The following ADAMTSL1 variants were observed in gnomAD, a reference collection of about 807,000 sequenced individuals.
ADAMTSL1 encodes the protein ADAMTS-like protein 1.
Under a neutral mutation model 201.8 loss-of-function variants are expected in ADAMTSL1, and 126 were observed. The observed-to-expected ratio is 0.62, with a 90% CI of 0.54 to 0.72. ADAMTSL1 has a LOEUF of 0.72. Among genes scored for constraint, ADAMTSL1 ranks in the 30% least tolerant of loss-of-function variants. The pLI, the probability that ADAMTSL1 is intolerant of heterozygous loss-of-function variation, is 0.00. For missense variants in ADAMTSL1, 2,679 were observed against 2,277.8 expected, an observed-to-expected ratio of 1.18 and a Z score of -3.59; for synonymous variants, 1,121 against 903.4, an observed-to-expected ratio of 1.24 and a Z score of -4.32.
At chr9:18,007,657 G>T (rs898206999) in intron 1 of ADAMTSL1, among the ~76,000 whole-genome samples, 8 of 151,962 alleles carry the variant, frequency 5.3e-5, no homozygotes, top group African/African-American at 1.9e-4. Context: ...CTCTGGTAAT[G>T]GGGATGATTA....
intron 2 of ADAMTSL1, among the ~76,000 whole-genome samples, chr9:18,422,815 T>G (rs769230340): frequency 1.4e-4 from 22 of 152,200 alleles, no homozygotes; most frequent in Admixed American, 5.9e-4. Flanking sequence ...CTTTCTTGTA[T>G]GTCTTCCCAT....
intron 1 of ADAMTSL1, among the ~76,000 whole-genome samples, chr9:17,916,932 G>C (rs1019049389): frequency 5.3e-5 from 8 of 151,996 alleles, no homozygotes; most frequent in Admixed American, 3.9e-4. Context: ...CTGTAGTTAG[G>C]TCTTCTAAAC....
chr9:18,648,038 C>A (rs1274853628), intron 7 of ADAMTSL1, among the ~76,000 whole-genome samples: 1 of 148,728 alleles, frequency 6.7e-6, no homozygotes, highest in Non-Finnish European at 1.5e-5. Context: ...CTTTGTAGGT[C>A]ACTCAGGACT....
intron 2 of ADAMTSL1, among the ~76,000 whole-genome samples, chr9:18,206,922 T>C (rs546087313): frequency 2.6e-5 from 4 of 152,216 alleles, no homozygotes; most frequent in Admixed American, 2.6e-4. Context: ...CCCAGCACTT[T>C]GAGAGGCCGA....
chr9:18,748,288 A>G (rs1819259493), intron 15 of ADAMTSL1, among the ~76,000 whole-genome samples: 1 of 152,086 alleles, frequency 6.6e-6, no homozygotes, highest in Admixed American at 6.6e-5. Context: ...CATGTTTACC[A>G]CCCTCCTTAT....
chr9:18,904,581 C>G (rs1203522196), intron 26 of ADAMTSL1, among the ~76,000 whole-genome samples: 2 of 124,332 alleles, frequency 1.6e-5, no homozygotes, highest in African/African-American at 6.3e-5. Context: ...CTGCAGTGAG[C>G]TGAGATTGTG....
At chr9:17,962,756 A>T (rs1817805896) in intron 1 of ADAMTSL1, among the ~76,000 whole-genome samples, 1 of 152,238 alleles carries the variant, frequency 6.6e-6, no homozygotes, top group Non-Finnish European at 1.5e-5. Flanking sequence ...TTAAAATTTC[A>T]GGTATGCTTT....
chr9:18,892,367 T>C, intron 25 of ADAMTSL1, 22 bp from the exon 26 acceptor site: 3 of 1,603,282 alleles, frequency 1.9e-6, no homozygotes, highest in Non-Finnish European at 2.6e-6. Context: ...AGGGCTCTCC[T>C]GACACTTCTT....
chr9:18,276,136 AT>A (rs34966485), intron 2 of ADAMTSL1, among the ~76,000 whole-genome samples: 1,803 of 151,576 alleles, frequency 0.012, 21 homozygotes, highest in African/African-American at 0.027. Flanking sequence ...CCATTTGTAT[AT>A]TTTTTTTAAT....
intron 4 of ADAMTSL1, among the ~76,000 whole-genome samples, chr9:18,621,365 C>G (rs1328580465): frequency 3.9e-5 from 6 of 152,106 alleles, no homozygotes; most frequent in Admixed American, 3.9e-4. Context: ...CTTTAGAACT[C>G]AGCTGCTTAT....
rs112486303 is a variant in ADAMTSL1 at position 18,851,847 on chromosome 9, T to A, written c.4249+21870T>A. ...CGTGTACCAGTTAAACTCCACCATT[T>A]TGCCTCTTAGTGTACATGGTTGAGC... On this transcript the variant is annotated intron_variant, in intron 23 of 28. Coordinates refer to ENST00000380548, the MANE Select transcript of ADAMTSL1 (RefSeq NM_001040272.6). 5.4e-3 allele frequency among the ~76,000 whole-genome samples: 826 copies of A among 152,332 alleles called. 3 individuals are homozygous for A. Among genetic ancestry groups the A allele is most frequent in the Non-Finnish European group, 9.1e-3 (618 of 68,018 alleles).
intron 23 of ADAMTSL1, among the ~76,000 whole-genome samples, chr9:18,869,205 C>G (rs923760026): frequency 3.9e-5 from 6 of 152,244 alleles, no homozygotes; most frequent in Admixed American, 1.3e-4. Flanking sequence ...TCACAGTCCT[C>G]AAATGGAGCC....
intron 2 of ADAMTSL1, among the ~76,000 whole-genome samples, chr9:18,444,933 C>T (rs761730478): frequency 2.6e-5 from 4 of 152,126 alleles, no homozygotes; most frequent in Non-Finnish European, 5.9e-5. Flanking sequence ...AGCATGCCTT[C>T]TTAGGCACTA....
intron 2 of ADAMTSL1, among the ~76,000 whole-genome samples, chr9:18,203,148 A>G (rs986886793): frequency 6.6e-6 from 1 of 152,112 alleles, no homozygotes; most frequent in Non-Finnish European, 1.5e-5. Context: ...TGCTCTGTTT[A>G]TACAAAGAGG....
At chr9:18,874,462 C>G (rs865897852) in intron 23 of ADAMTSL1, among the ~76,000 whole-genome samples, 2 of 152,008 alleles carry the variant, frequency 1.3e-5, no homozygotes, top group African/African-American at 4.8e-5. Flanking sequence ...GAGTGTGTCT[C>G]TTCTATGCCA....
intron 1 of ADAMTSL1, among the ~76,000 whole-genome samples, chr9:17,984,573 T>C (rs1348845013): frequency 2.0e-5 from 3 of 152,160 alleles, no homozygotes; most frequent in African/African-American, 7.2e-5. Flanking sequence ...GTGAGGAACA[T>C]ACTTAATTTT....
At chr9:18,166,378 G>C (rs73424930) in intron 2 of ADAMTSL1, among the ~76,000 whole-genome samples, 3,948 of 151,966 alleles carry the variant, frequency 0.026, 186 homozygotes, top group African/African-American at 0.09. Context: ...TGAAAACACT[G>C]AGAATTCCAT....
At chr9:18,867,816 T>C (rs1313691004) in intron 23 of ADAMTSL1, among the ~76,000 whole-genome samples, 1 of 151,904 alleles carries the variant, frequency 6.6e-6, no homozygotes, top group Middle Eastern at 3.2e-3. Context: ...TTAGTAGAGA[T>C]GGGGTTTCAC....
intron 2 of ADAMTSL1, among the ~76,000 whole-genome samples, chr9:18,236,982 T>C (rs1301153569): frequency 6.6e-6 from 1 of 152,234 alleles, no homozygotes; most frequent in East Asian, 1.9e-4. Context: ...GGGCAGAATC[T>C]TTACACAGAT....
Sources: allele counts gnomAD v4.1 joint callset (sites outside exome capture counted in the v4.1 genomes callset), GRCh38; gene constraint gnomAD v4.1.1; transcripts MANE v1.5; gene names NCBI Gene and HGNC (gene_info 2026-07-23, HGNC 2026-07-21).